The following MTA3 variants were observed in gnomAD, a reference collection of about 807,000 sequenced individuals.
The protein encoded by MTA3 is metastasis-associated protein MTA3.
Under a neutral mutation model 83.5 loss-of-function variants are expected in MTA3, and 34 were observed. That is an observed-to-expected ratio of 0.41 (90% CI 0.31 to 0.54). The LOEUF (loss-of-function observed/expected upper bound fraction) is 0.54, where lower values mean the gene tolerates loss of function less well. Ranked by LOEUF, MTA3 falls within the 20% of genes least tolerant of loss-of-function variation. The probability of loss-of-function intolerance (pLI) is 0.33; values close to 1 mark genes in which losing one functional copy is unlikely to be tolerated. For missense variants in MTA3, 761 were observed against 726.4 expected (o/e 1.05, Z -0.55); for synonymous variants, 303 against 252.7 (o/e 1.20, Z -1.89).
chr2:42,642,644 GT>G lies in MTA3; in HGVS notation c.382-1466del, dbSNP rs1198386196. The stretch of plus-strand genomic sequence containing the variant: ...CATCCCCTGTAGCTTTGTTAAGTTG[GT>G]TTTTTTTTTTTTTTTTGAGATGAAG... On this transcript the variant is annotated intron_variant, in intron 5 of 16. Transcript: ENST00000405094. 2.4e-3 allele frequency among the ~76,000 whole-genome samples: 323 copies of G among 135,736 alleles called. 2 individuals carry two copies. Among genetic ancestry groups the G allele is most frequent in the African/African-American group, 3.8e-3 (143 of 37,206 alleles). 89.0% of individuals were successfully genotyped at this position (135,736 alleles called of 152,430 possible).
intron 1 of MTA3, 142 bp downstream of exon 1, chr2:42,568,915 G>C (rs1678130528): frequency 1.2e-6 from 1 of 836,056 alleles, no homozygotes; most frequent in Non-Finnish European, 1.6e-6. Context: ...CCCGCAGAGG[G>C]GCCGGGACTC....
intron 13 of MTA3, among the ~76,000 whole-genome samples, chr2:42,708,518 G>A (rs1025397403): frequency 2.0e-5 from 3 of 152,044 alleles, no homozygotes; most frequent in Admixed American, 1.3e-4. Flanking sequence ...GATGCCAAAC[G>A]CCTGTGTTTA....
chr2:42,727,541 A>T (rs1667912723), intron 16 of MTA3, among the ~76,000 whole-genome samples: 1 of 152,206 alleles, frequency 6.6e-6, no homozygotes, highest in African/African-American at 2.4e-5. Context: ...ACTGGAAAAC[A>T]TTTCCATGTC....
intron 6 of MTA3, among the ~76,000 whole-genome samples, chr2:42,649,994 A>T (rs755118236): frequency 6.6e-6 from 1 of 151,830 alleles, no homozygotes; most frequent in Non-Finnish European, 1.5e-5. Flanking sequence ...CTGGTTACCA[A>T]CTCTCCTAGG....
At chr2:42,549,931 T>TTAG (rs1677040207) in intron 2 of MTA3, among the ~76,000 whole-genome samples, 2 of 151,466 alleles carry the variant, frequency 1.3e-5, no homozygotes, top group South Asian at 4.1e-4. Context: ...CATTAGTCAC[T>TTAG]TAGTAGCCTT....
At chr2:42,723,158 G>A (rs1449653508) in intron 16 of MTA3, 123 bp downstream of exon 16, 3 of 1,210,090 alleles carry the variant, frequency 2.5e-6, no homozygotes, top group Non-Finnish European at 3.4e-6. Flanking sequence ...GAAGTATGTG[G>A]TTGAGGAATA....
At position 42,695,831 on chromosome 2, in the gene MTA3, G is replaced by A. The variant is rs1247805742; in HGVS notation, c.958G>A (p.Val320Met). Residue 320 changes from valine to methionine, a missense_variant, in exon 10 of 17, where the codon GTG (valine) becomes ATG (methionine). Val to Met is a conservative substitution (Grantham distance 21). Coordinates refer to ENST00000405094, the MANE Select transcript of MTA3 (RefSeq NM_001330442.2). ...CATGTGGAAAACTACTGACAGATAT[G>A]TGCAACAGGTAATTTTTTTCATATT... is the stretch of plus-strand genomic sequence containing the variant. The part of the protein sequence containing the change: ...YYMWKTTDRY[V>M]QQKRLKAAEA... 4 of 1,571,678 alleles carry A rather than the reference G, an allele frequency of 2.5e-6. No individual in the cohort carries two copies. Among genetic ancestry groups the A allele is most frequent in the South Asian group, 2.4e-5 (2 of 84,220 alleles).
chr2:42,552,110 T>A (rs548809546), intron 2 of MTA3, among the ~76,000 whole-genome samples: 6 of 152,106 alleles, frequency 3.9e-5, no homozygotes, highest in African/African-American at 1.4e-4. Flanking sequence ...CTCCCACCTC[T>A]GCCTCCCAAA....
intron 4 of MTA3, among the ~76,000 whole-genome samples, chr2:42,612,474 C>A (rs924601154): frequency 2.0e-5 from 3 of 152,108 alleles, no homozygotes; most frequent in Non-Finnish European, 4.4e-5. Flanking sequence ...CCTTGGCCTC[C>A]CAAAGTGCTG....
intron 16 of MTA3, among the ~76,000 whole-genome samples, chr2:42,752,465 G>T (rs1396612006): frequency 6.6e-6 from 1 of 152,094 alleles, no homozygotes; most frequent in Admixed American, 6.5e-5. Flanking sequence ...AATACAACAC[G>T]GTGGTGATGT....
chr2:42,532,742 T>TC, intron 2 of MTA3: 1 of 231,396 alleles, frequency 4.3e-6, no homozygotes, highest in Non-Finnish European at 8.6e-6. Context: ...CCAGAGGTTT[T>TC]TTTTTTTTTA....
chr2:42,640,425 G>A (rs182983708), intron 5 of MTA3, among the ~76,000 whole-genome samples, 189 bp downstream of exon 5: 1 of 152,264 alleles, frequency 6.6e-6, no homozygotes, highest in Non-Finnish European at 1.5e-5. Context: ...TGAGATAAGA[G>A]CAAAAACTGT....
intron 2 of MTA3, among the ~76,000 whole-genome samples, chr2:42,550,934 C>T (rs919037210): frequency 2.6e-5 from 4 of 151,672 alleles, no homozygotes; most frequent in African/African-American, 9.7e-5. Flanking sequence ...CCCAGCTACC[C>T]CAACTACTTG....
intron 2 of MTA3, among the ~76,000 whole-genome samples, chr2:42,502,815 T>G (rs1353497909): frequency 1.9e-5 from 1 of 51,538 alleles, no homozygotes; most frequent in Non-Finnish European, 3.9e-5. Flanking sequence ...AAAAAAAAAT[T>G]AGCCGGGCAT....
intron 6 of MTA3, among the ~76,000 whole-genome samples, chr2:42,646,375 G>A (rs1014580256): frequency 1.3e-5 from 2 of 152,118 alleles, no homozygotes; most frequent in African/African-American, 4.8e-5. Flanking sequence ...CATCACCTAA[G>A]GCTATACTTG....
At chr2:42,496,598 C>T (rs1224369520) in intron 2 of MTA3, among the ~76,000 whole-genome samples, 1 of 122,230 alleles carries the variant, frequency 8.2e-6, no homozygotes, top group African/African-American at 3.2e-5. Context: ...TTTCTAGTTT[C>T]AGAACCTAGG....
At chr2:42,618,210 C>T (rs563717872) in intron 4 of MTA3, among the ~76,000 whole-genome samples, 9 of 152,206 alleles carry the variant, frequency 5.9e-5, no homozygotes, top group South Asian at 2.1e-4. Flanking sequence ...GGCCTCCCAC[C>T]GTGAGTGAAC....
intron 4 of MTA3, among the ~76,000 whole-genome samples, chr2:42,624,956 T>G (rs967227912): frequency 6.6e-6 from 1 of 152,230 alleles, no homozygotes; most frequent in African/African-American, 2.4e-5. Context: ...TGTTGCATAC[T>G]AAAATTTTAC....
chr2:42,682,406 C>T lies in MTA3; in HGVS notation c.708C>T (p.His236=), dbSNP rs187836014. The T allele has an allele frequency of 2.1e-4, 327 of 1,581,078 alleles. No homozygotes were observed. The highest frequency in any genetic ancestry group is 1.5e-3 in the Middle Eastern group (9 of 5,944). The change falls in exon 9 of 17, where the codon CAC becomes CAT. Residue 236 remains histidine, a synonymous_variant. Transcript: ENST00000405094. ...AAASRDITLF[H]AMDTLYRHSY... ...TGTTCATTTTGTTTCTTTAGTTTCA[C>T]GCTATGGATACATTGTATAGACACA...
Sources: allele counts gnomAD v4.1 joint callset (sites outside exome capture counted in the v4.1 genomes callset), GRCh38; gene constraint gnomAD v4.1.1; transcripts MANE v1.5; gene names NCBI Gene and HGNC (gene_info 2026-07-23, HGNC 2026-07-21).